Variants in CPEB4 observed in about 807,000 individuals in gnomAD.
CPEB4 encodes the protein cytoplasmic polyadenylation element-binding protein 4.
CPEB4 carries 12 observed loss-of-function variants against 72.5 expected under a neutral mutation model. The observed-to-expected ratio is 0.17, with a 90% CI of 0.11 to 0.27. The LOEUF (loss-of-function observed/expected upper bound fraction) is 0.27, where lower values mean the gene tolerates loss of function less well. Ranked by LOEUF, CPEB4 falls within the 10% of genes least tolerant of loss-of-function variation. The probability of loss-of-function intolerance (pLI) is 1.00; values close to 1 mark genes in which losing one functional copy is unlikely to be tolerated. For missense variants in CPEB4, 614 were observed against 908.5 expected (o/e 0.68, Z 4.17); for synonymous variants, 302 against 326.3 (o/e 0.93, Z 0.80).
intron 4 of CPEB4, 77 bp from the exon 5 acceptor site, chr5:173,944,890 T>A: frequency 7.9e-7 from 1 of 1,270,480 alleles, no homozygotes; most frequent in Admixed American, 2.1e-5. Context: ...GAATCTGCTG[T>A]TTCCTTGTTT....
At chr5:173,952,524 G>C (rs954424810) in intron 8 of CPEB4, among the ~76,000 whole-genome samples, 1 of 152,136 alleles carries the variant, frequency 6.6e-6, no homozygotes, top group African/African-American at 2.4e-5. Context: ...ACATGAACAG[G>C]AATGTAGCTG....
chr5:173,935,122 A>G (rs1236396730), intron 3 of CPEB4, among the ~76,000 whole-genome samples: 1 of 152,216 alleles, frequency 6.6e-6, no homozygotes, highest in East Asian at 1.9e-4. Flanking sequence ...AAGTCAAAAT[A>G]AGAGAATTAG....
At chr5:173,947,891 G>A (rs1758083135) in intron 5 of CPEB4, among the ~76,000 whole-genome samples, 1 of 152,156 alleles carries the variant, frequency 6.6e-6, no homozygotes. Context: ...GACAGGGAAA[G>A]AATAAGACGA....
chr5:173,938,352 A>C (rs1017685621), intron 3 of CPEB4, among the ~76,000 whole-genome samples: 2 of 152,120 alleles, frequency 1.3e-5, no homozygotes, highest in Non-Finnish European at 2.9e-5. Context: ...TAGCCTACCA[A>C]GTAGCTGCGA....
intron 2 of CPEB4, among the ~76,000 whole-genome samples, chr5:173,926,012 T>G (rs1466883818): frequency 6.6e-6 from 1 of 152,210 alleles, no homozygotes; most frequent in Non-Finnish European, 1.5e-5. Flanking sequence ...ACTTGTCACT[T>G]TAGAGTTATT....
At chr5:173,936,600 T>C (rs1441014208) in intron 3 of CPEB4, among the ~76,000 whole-genome samples, 5 of 152,204 alleles carry the variant, frequency 3.3e-5, no homozygotes, top group Non-Finnish European at 5.9e-5. Flanking sequence ...GCCCATTTTA[T>C]GGTTATGAGA....
At position 173,956,095 on chromosome 5, in the gene CPEB4, A is replaced by G; in HGVS notation, c.2148A>G (p.Glu716=). ...AATTCCACAAGCCCCTGGTGAAGGA[A>G]GGCGGTGACCGCCCTCGGCATATTT... ...GREFHKPLVK[E]GGDRPRHISF... Residue 716 remains glutamate, a synonymous_variant, in exon 10 of 10, where the codon GAA becomes GAG. Transcript: ENST00000265085. 6.2e-7 allele frequency: 1 copy of G among 1,614,168 alleles called. No individual in the cohort carries two copies. Among genetic ancestry groups the G allele is most frequent in the East Asian group, 2.2e-5 (1 of 44,888 alleles).
intron 2 of CPEB4, among the ~76,000 whole-genome samples, chr5:173,924,039 G>A (rs1364283312): frequency 2.6e-5 from 4 of 152,150 alleles, no homozygotes; most frequent in Admixed American, 6.5e-5. Flanking sequence ...TTGCAGCTTC[G>A]CACCTGCCCC....
At chr5:173,932,650 C>G in intron 3 of CPEB4, 150 bp downstream of exon 3, 1 of 594,646 alleles carries the variant, frequency 1.7e-6, no homozygotes, top group East Asian at 3.1e-5. Flanking sequence ...ATTCTTTTAG[C>G]TCACAATTGT....
intron 5 of CPEB4, among the ~76,000 whole-genome samples, chr5:173,946,158 T>C (rs781257159): frequency 1.2e-4 from 18 of 152,230 alleles, no homozygotes; most frequent in Non-Finnish European, 2.1e-4. Flanking sequence ...GAAATGGTTC[T>C]AAAAAGCCAA....
At chr5:173,911,681 G>GTT (rs67673139) in intron 2 of CPEB4, among the ~76,000 whole-genome samples, 22,213 of 113,582 alleles carry the variant, frequency 0.2, 3,036 homozygotes, top group Non-Finnish European at 0.28. Flanking sequence ...TAGAAAGCAG[G>GTT]TTTTTTTTTT....
Position 173,890,449 on chromosome 5 carries a change from TCCAGCATCATCACAG to T in CPEB4, c.726_740del (p.His242_His246del), listed in dbSNP as rs1271201128. The T allele has an allele frequency of 9.3e-6, 15 of 1,612,538 alleles. No individual in the cohort carries two copies. The highest frequency in any genetic ancestry group is 1.3e-5 in the Non-Finnish European group (15 of 1,179,192). ...CAGCACCACCCACATCACCCTCATT[TCCAGCATCATCACAG>T]CCAGCATCAGCAGCAAAGGAGGTCT... On this transcript the variant is annotated inframe_deletion, in exon 1 of 10. Transcript: ENST00000265085.
rs1756171692 is a variant in CPEB4 at position 173,900,116 on chromosome 5, T to C, written c.1125+9258T>C. On this transcript the variant is annotated intron_variant, in intron 1 of 9. Coordinates refer to ENST00000265085, the MANE Select transcript of CPEB4 (RefSeq NM_030627.4). The surrounding 1 kb of genome is among the most constrained non-coding windows in gnomAD (Gnocchi z 4.4). ...TAAGCTTCAGTTTAGGAATAAAGGT[T>C]GTGCATTGGCCAGGTGTGGTGGCTC... 6.6e-6 allele frequency among the ~76,000 whole-genome samples: 1 copy of C among 152,076 alleles called. No homozygotes were observed. Among genetic ancestry groups the C allele is most frequent in the Non-Finnish European group, 1.5e-5 (1 of 68,004 alleles).
chr5:173,893,038 A>AGG (rs1561602751), intron 1 of CPEB4: 1 of 81,866 alleles, frequency 1.2e-5, no homozygotes, highest in African/African-American at 5.5e-5. Flanking sequence ...TGTGTGTGTG[A>AGG]GAGAGAGAGA....
chr5:173,917,774 T>G (rs1278675024), intron 2 of CPEB4, among the ~76,000 whole-genome samples: 2 of 152,180 alleles, frequency 1.3e-5, no homozygotes, highest in African/African-American at 4.8e-5. Context: ...CCAGTTAATT[T>G]TACTCGGATT....
Position 173,956,209 on chromosome 5 carries a change from A to C in CPEB4, c.*72A>C. On this transcript the variant is annotated 3_prime_UTR_variant, in exon 10 of 10. Coordinates refer to ENST00000265085, the MANE Select transcript of CPEB4 (RefSeq NM_030627.4). The stretch of plus-strand genomic sequence containing the variant: ...TTCTGTTCATTCTGACCCCTTCCTC[A>C]ACCTCTTCACGCTGGCATGTCCTTT... 8.4e-7 allele frequency: 1 copy of C among 1,187,332 alleles called. No individual in the cohort carries two copies. The highest frequency in any genetic ancestry group is 1.2e-6 in the Non-Finnish European group (1 of 800,438). The allele number at this position is 1,187,332 out of a possible 1,614,324, so 73.5% of individuals were successfully genotyped here.
intron 2 of CPEB4, among the ~76,000 whole-genome samples, chr5:173,931,610 T>C (rs796909432): frequency 8.5e-5 from 13 of 152,334 alleles, no homozygotes; most frequent in African/African-American, 3.1e-4. Flanking sequence ...TGATGATTCT[T>C]ATTTTATAAC....
In CPEB4 at chr5:173,900,423, T is replaced by A. The variant is rs1002852115; in HGVS notation, c.1125+9565T>A. ...TCTGTCTCAAAAAAAAAAAAAGTTG[T>A]ACATTAGGGTGGACCCCTCTCCCTG... On this transcript the variant is annotated intron_variant, in intron 1 of 9. Coordinates refer to ENST00000265085, the MANE Select transcript of CPEB4 (RefSeq NM_030627.4). The surrounding 1 kb of genome is among the most constrained non-coding windows in gnomAD (Gnocchi z 4.4). Among the ~76,000 whole-genome samples the A allele has an allele frequency of 2.6e-4, 39 of 151,698 alleles. No individual in the cohort carries two copies. The highest frequency in any genetic ancestry group is 9.2e-4 in the African/African-American group (38 of 41,314).
intron 2 of CPEB4, among the ~76,000 whole-genome samples, chr5:173,923,379 C>G (rs1581138203): frequency 6.6e-6 from 1 of 152,248 alleles, no homozygotes; most frequent in Non-Finnish European, 1.5e-5. Flanking sequence ...TGTGGCTTCT[C>G]TCTCTTATCT....
Sources: allele counts gnomAD v4.1 joint callset (sites outside exome capture counted in the v4.1 genomes callset), GRCh38; gene constraint gnomAD v4.1.1; non-coding constraint Gnocchi (gnomAD v3.1); transcripts MANE v1.5; gene names NCBI Gene and HGNC (gene_info 2026-07-23, HGNC 2026-07-21).